TEAD4: variants seen among roughly 807,000 people sequenced by gnomAD.
The protein encoded by TEAD4 is TEA domain transcription factor 4, also known as transcriptional enhancer factor TEF-3.
A neutral mutation model predicts 52.4 loss-of-function variants in TEAD4; 36 were observed. The ratio of observed to expected loss-of-function variants is 0.69; its 90% CI spans 0.53 to 0.91. TEAD4 has a LOEUF of 0.91. TEAD4 is among the 40% of genes least tolerant of loss of function. The probability of loss-of-function intolerance (pLI) is 0.00; values close to 1 mark genes in which losing one functional copy is unlikely to be tolerated. For synonymous variants in TEAD4, 220 were observed against 231.0 expected, an observed-to-expected ratio of 0.95 and a Z score of 0.43; for missense variants, 508 against 583.9, an observed-to-expected ratio of 0.87 and a Z score of 1.34.
At chr12:3,010,765 C>T (rs957461179) in intron 3 of TEAD4, among the ~76,000 whole-genome samples, 10 of 152,160 alleles carry the variant, frequency 6.6e-5, no homozygotes, top group East Asian at 3.9e-4. Flanking sequence ...TTGGTGGCCA[C>T]GGGCCCTGTT....
At chr12:3,023,318 G>A (rs1043709997) in intron 10 of TEAD4, among the ~76,000 whole-genome samples, 6 of 152,144 alleles carry the variant, frequency 3.9e-5, no homozygotes, top group African/African-American at 1.4e-4. Context: ...GGGAATAAGA[G>A]GAGACAACTG....
At chr12:3,017,331 C>A in intron 5 of TEAD4, 67 bp from the exon 6 acceptor site, 2 of 1,607,244 alleles carry the variant, frequency 1.2e-6, no homozygotes, top group Non-Finnish European at 1.7e-6. Flanking sequence ...ACCCGAGGGC[C>A]GGACCTGCCT....
intron 10 of TEAD4, among the ~76,000 whole-genome samples, chr12:3,034,024 G>A (rs1198616623): frequency 6.6e-6 from 1 of 151,474 alleles, no homozygotes; most frequent in Non-Finnish European, 1.5e-5. Context: ...TTCTGGGGCT[G>A]ATTGTGGGAT....
At position 3,040,529 on chromosome 12, in the gene TEAD4, G is replaced by T; in HGVS notation, c.*51G>T. 1 of 1,544,982 alleles carries T rather than the reference G, an allele frequency of 6.5e-7. No homozygotes were observed. Among genetic ancestry groups the T allele is most frequent in the Non-Finnish European group, 8.9e-7 (1 of 1,123,620 alleles). On this transcript the variant is annotated 3_prime_UTR_variant, in exon 13 of 13. Coordinates refer to ENST00000359864, the MANE Select transcript of TEAD4 (RefSeq NM_003213.4). Reference sequence around the variant, plus strand: ...AAGAGACGTGTGTGCAGGAAACGGGGACGTGGGGAGGGGACCTGCAGGGGC... The same window carrying T: ...AAGAGACGTGTGTGCAGGAAACGGGTACGTGGGGAGGGGACCTGCAGGGGC...
At chr12:2,968,378 G>C (rs7302496) in intron 2 of TEAD4, among the ~76,000 whole-genome samples, 16 of 125,052 alleles carry the variant, frequency 1.3e-4, no homozygotes, top group African/African-American at 4.6e-4. Flanking sequence ...GAGCCACCGC[G>C]CCCGGCCTTT....
intron 10 of TEAD4, among the ~76,000 whole-genome samples, chr12:3,027,384 ATTT>A (rs1022935745): frequency 6.6e-6 from 1 of 151,970 alleles, no homozygotes; most frequent in Non-Finnish European, 1.5e-5. Flanking sequence ...GCCTGTCTGT[ATTT>A]TTTTAACAGC....
Position 2,959,554 on chromosome 12 carries a change from C to CCGCT in TEAD4, c.-123+77_-123+80dup, listed in dbSNP as rs1229875526. On this transcript the variant is annotated intron_variant, in intron 1 of 12. Coordinates refer to ENST00000359864, the MANE Select transcript of TEAD4 (RefSeq NM_003213.4). This position sits in a 1 kb window ranked among gnomAD's most constrained non-coding sequence, Gnocchi z 5.1. ...GCGCGCCCCACGCCGCCGCAGCCGA[C>CCGCT]CGCTCGCGCCGCGTGCTCGGCTGCT... is the stretch of plus-strand genomic sequence containing the variant. 1.3e-5 allele frequency: 2 copies of CCGCT among 149,620 alleles called. No homozygotes were observed. The highest frequency in any genetic ancestry group is 3.0e-5 in the Non-Finnish European group (2 of 67,046). 9.3% of individuals were successfully genotyped at this position (149,620 alleles called of 1,614,324 possible).
At chr12:3,005,450 C>T (rs1028225557) in intron 3 of TEAD4, among the ~76,000 whole-genome samples, 10 of 152,112 alleles carry the variant, frequency 6.6e-5, no homozygotes, top group Non-Finnish European at 1.2e-4. Flanking sequence ...TGTGCTACCA[C>T]GCCTGGCTAA....
intron 10 of TEAD4, among the ~76,000 whole-genome samples, chr12:3,025,588 G>A (rs1020515445): frequency 1.3e-5 from 2 of 151,940 alleles, no homozygotes; most frequent in Non-Finnish European, 2.9e-5. Context: ...CTAGGCTGGA[G>A]TGCAGTGGCG....
intron 8 of TEAD4, 48 bp downstream of exon 8, chr12:3,019,218 C>T: frequency 6.2e-7 from 1 of 1,608,636 alleles, no homozygotes; most frequent in Non-Finnish European, 8.5e-7. Context: ...CATGTGGCTC[C>T]TGCCTCTGGG....
At chr12:3,022,605 C>G (rs1024828676) in intron 10 of TEAD4, among the ~76,000 whole-genome samples, 52 of 152,204 alleles carry the variant, frequency 3.4e-4, no homozygotes, top group African/African-American at 1.2e-3. Flanking sequence ...CCACCTCACC[C>G]CGGGCAGGTA....
intron 5 of TEAD4, chr12:3,017,112 A>G (rs1392714405): frequency 7.1e-6 from 4 of 562,394 alleles, no homozygotes; most frequent in Non-Finnish European, 6.8e-6. Context: ...AAGGCATAGA[A>G]GGTGGCCCCG....
intron 3 of TEAD4, among the ~76,000 whole-genome samples, chr12:3,010,102 C>T (rs889636729): frequency 9.2e-5 from 14 of 152,322 alleles, no homozygotes; most frequent in African/African-American, 2.2e-4. Flanking sequence ...GATGCTTCTC[C>T]GTATGGTTTA....
intron 10 of TEAD4, among the ~76,000 whole-genome samples, chr12:3,024,649 C>G (rs1006075989): frequency 1.3e-5 from 2 of 152,004 alleles, no homozygotes; most frequent in Non-Finnish European, 2.9e-5. Context: ...GAGCAAGACC[C>G]TGCCTCAAAA....
intron 2 of TEAD4, among the ~76,000 whole-genome samples, chr12:2,990,316 A>G (rs2098241971): frequency 1.3e-5 from 2 of 152,086 alleles, no homozygotes; most frequent in South Asian, 2.1e-4. Flanking sequence ...GCCTGGGACC[A>G]CTGTTTATTT....
intron 8 of TEAD4, among the ~76,000 whole-genome samples, chr12:3,019,544 C>T (rs1218795519): frequency 6.6e-6 from 1 of 152,210 alleles, no homozygotes; most frequent in Non-Finnish European, 1.5e-5. Context: ...GTGTCTAGCT[C>T]ACCAGCCTGG....
intron 2 of TEAD4, among the ~76,000 whole-genome samples, chr12:2,972,780 C>T (rs1205475625): frequency 6.6e-6 from 1 of 152,044 alleles, no homozygotes; most frequent in African/African-American, 2.4e-5. Flanking sequence ...GGATTACAGG[C>T]GTGAGCCACC....
intron 3 of TEAD4, among the ~76,000 whole-genome samples, chr12:3,005,988 AT>A (rs1396960198): frequency 6.6e-5 from 10 of 152,324 alleles, no homozygotes; most frequent in African/African-American, 1.9e-4. Flanking sequence ...ACTGTAGCGA[AT>A]AATAACGTAT....
In TEAD4 at chr12:3,040,553, G is replaced by C; in HGVS notation, c.*75G>C. The C allele has an allele frequency of 1.5e-6, 2 of 1,345,166 alleles. No individual in the cohort carries two copies. Among genetic ancestry groups the C allele is most frequent in the Non-Finnish European group, 2.1e-6 (2 of 953,562 alleles). The allele number at this position is 1,345,166 out of a possible 1,614,324, so 83.3% of individuals were successfully genotyped here. On this transcript the variant is annotated 3_prime_UTR_variant, in exon 13 of 13. Transcript: ENST00000359864. ...GGACGTGGGGAGGGGACCTGCAGGGGCAGCCCCCTGAAGTGCCAAGAGAGC... is the reference window on the plus strand; with the variant it reads ...GGACGTGGGGAGGGGACCTGCAGGGCCAGCCCCCTGAAGTGCCAAGAGAGC...
Sources: gnomAD v4.1 joint callset for allele counts (sites outside exome capture counted in the v4.1 genomes callset) on GRCh38, gnomAD v4.1.1 for gene constraint, Gnocchi (gnomAD v3.1) non-coding constraint, MANE v1.5 for transcripts, NCBI Gene and HGNC (gene_info 2026-07-23, HGNC 2026-07-21) for gene names.